The following PXDN variants were observed in gnomAD, a reference collection of about 807,000 sequenced individuals.
The protein encoded by PXDN is peroxidasin, also known as peroxidasin homolog.
PXDN carries 77 observed loss-of-function variants against 140.3 expected under a neutral mutation model. The observed-to-expected ratio is 0.55, with a 90% confidence interval of 0.46 to 0.66. The LOEUF is 0.66. Among genes scored for constraint, PXDN ranks in the 30% least tolerant of loss-of-function variants. The pLI is 0.00. For synonymous variants in PXDN, 911 were observed against 857.4 expected, an observed-to-expected ratio of 1.06 and a Z score of -1.09; for missense variants, 1,838 against 2,039.5, an observed-to-expected ratio of 0.90 and a Z score of 1.90.
intron 19 of PXDN, among the ~76,000 whole-genome samples, chr2:1,641,710 G>A (rs1270635212): frequency 6.6e-6 from 1 of 152,250 alleles, no homozygotes; most frequent in Non-Finnish European, 1.5e-5. Context: ...ACAGTGCCCT[G>A]AGAGGAGGAG....
Position 1,676,673 on chromosome 2 carries a change from C to T in PXDN, c.848+254G>A, listed in dbSNP as rs547938374. ...CTCCCACCGGGAAGGGCCGCAGTGA[C>T]GCGTTGCCCAGCCAGGGCACCCCTG... On this transcript the variant is annotated intron_variant, in intron 8 of 22. Coordinates refer to ENST00000252804, the MANE Select transcript of PXDN (RefSeq NM_012293.3). 8.4e-4 allele frequency: 444 copies of T among 529,958 alleles called. 3 individuals carry two copies. Among genetic ancestry groups the T allele is most frequent in the East Asian group, 6.4e-3 (206 of 31,990 alleles). 32.8% of individuals were successfully genotyped at this position (529,958 alleles called of 1,614,324 possible).
At chr2:1,727,653 G>A (rs1685220312) in intron 1 of PXDN, among the ~76,000 whole-genome samples, 1 of 152,062 alleles carries the variant, frequency 6.6e-6, no homozygotes, top group Non-Finnish European at 1.5e-5. Flanking sequence ...AGTCTCCACC[G>A]TGTCACACCA....
chr2:1,719,301 C>T (rs1256336322), intron 1 of PXDN, among the ~76,000 whole-genome samples: 1 of 152,198 alleles, frequency 6.6e-6, no homozygotes, highest in Non-Finnish European at 1.5e-5. Context: ...AAGGCCCTCC[C>T]CAGGCAGCAG....
At chr2:1,670,880 AAGAG>A (rs1298503192) in intron 9 of PXDN, among the ~76,000 whole-genome samples, 1 of 152,226 alleles carries the variant, frequency 6.6e-6, no homozygotes, top group Non-Finnish European at 1.5e-5. Context: ...TGCCCAGTAG[AAGAG>A]AGAAATAAAT....
intron 1 of PXDN, among the ~76,000 whole-genome samples, chr2:1,697,195 G>A (rs560577013): frequency 7.9e-5 from 12 of 152,214 alleles, no homozygotes; most frequent in South Asian, 4.1e-4. Context: ...ATTGTTCTTC[G>A]GGAATGCTGA....
chr2:1,691,958 G>A lies in PXDN; in HGVS notation c.314C>T (p.Ala105Val). The A allele has an allele frequency of 6.6e-7, 1 of 1,524,350 alleles. No homozygotes were observed. The highest frequency in any genetic ancestry group is 2.3e-5 in the East Asian group (1 of 42,880). 94.4% of individuals were successfully genotyped at this position (1,524,350 alleles called of 1,614,324 possible). A position where few individuals can be genotyped will look rare whatever the true frequency, so the allele number is the denominator to read the frequency against. Residue 105 changes from alanine (A) to valine (V), a missense_variant, in exon 3 of 23, where the codon GCA becomes GTA. Ala to Val is a moderately conservative substitution (Grantham distance 64). Around this residue, in one of 5 missense-constraint regions of PXDN, gnomAD observed 231 missense variants for 201.5 expected, o/e 1.15. Transcript: ENST00000252804. ...NNQIKRIPSGAFEDLENLKYL... is the reference protein window; with the variant it reads ...NNQIKRIPSGVFEDLENLKYL... ...TTTTAAATTTTCCAAGTCTTCAAATGCTCCACTAGGTATCCTCTTGATCTG... is the reference window on the plus strand; with the variant it reads ...TTTTAAATTTTCCAAGTCTTCAAATACTCCACTAGGTATCCTCTTGATCTG...
chr2:1,639,003 AG>A lies in PXDN; in HGVS notation c.4074-26del. The A allele has an allele frequency of 6.2e-7, 1 of 1,612,330 alleles. No homozygotes were observed. Among genetic ancestry groups the A allele is most frequent in the Non-Finnish European group, 8.5e-7 (1 of 1,178,688 alleles). ...ACTGTGGTGAGGGGAAAGGAGGAGG[AG>A]GGAAATATAACCTTGGCAGGTCACG... is the stretch of plus-strand genomic sequence containing the variant. On this transcript the variant is annotated intron_variant, in intron 20 of 22. Coordinates refer to ENST00000252804, the MANE Select transcript of PXDN (RefSeq NM_012293.3). This position sits in a 1 kb window ranked among gnomAD's most constrained non-coding sequence, Gnocchi z 5.0.
intron 9 of PXDN, among the ~76,000 whole-genome samples, chr2:1,670,745 A>T (rs941322762): frequency 6.6e-6 from 1 of 152,190 alleles, no homozygotes; most frequent in Non-Finnish European, 1.5e-5. Flanking sequence ...CAAGACACAG[A>T]TCAACACAGG....
chr2:1,720,095 C>G (rs148881829), intron 1 of PXDN, among the ~76,000 whole-genome samples: 13 of 3,198 alleles, frequency 4.1e-3, no homozygotes, highest in Admixed American at 5.1e-3. Context: ...GGGAGGGATG[C>G]AGAGAGAGAG....
At chr2:1,680,126 G>A (rs1411600374) in intron 7 of PXDN, 67 bp downstream of exon 7, 6 of 1,464,452 alleles carry the variant, frequency 4.1e-6, no homozygotes, top group Admixed American at 4.1e-5. Context: ...TAGATGGTGT[G>A]TGTGTGGATG....
At chr2:1,712,874 G>A (rs559792724) in intron 1 of PXDN, among the ~76,000 whole-genome samples, 56 of 152,150 alleles carry the variant, frequency 3.7e-4, no homozygotes, top group African/African-American at 1.3e-3. Context: ...ACAGGCATCC[G>A]CCACCAGGCC....
chr2:1,668,810 C>T (rs547881922), intron 9 of PXDN, among the ~76,000 whole-genome samples: 12 of 152,178 alleles, frequency 7.9e-5, no homozygotes, highest in South Asian at 4.2e-4. Flanking sequence ...CAGATGCTGG[C>T]GAGGATGCAG....
intron 1 of PXDN, among the ~76,000 whole-genome samples, chr2:1,743,201 T>C (rs540797537): frequency 2.6e-5 from 4 of 152,104 alleles, no homozygotes; most frequent in Admixed American, 2.6e-4. Context: ...GGATTCCTGC[T>C]GTGGAGACCG....
chr2:1,699,781 A>C (rs1684379562), intron 1 of PXDN, among the ~76,000 whole-genome samples: 1 of 152,256 alleles, frequency 6.6e-6, no homozygotes, highest in South Asian at 2.1e-4. Context: ...TCAAAGTTAT[A>C]CACTATATCG....
At position 1,632,820 on chromosome 2, in the gene PXDN, CA is replaced by C. The variant is rs1682445437; in HGVS notation, c.*1383del. The C allele has an allele frequency of 6.6e-6, 1 of 152,498 alleles. No individual in the cohort carries two copies. The highest frequency in any genetic ancestry group is 1.5e-5 in the Non-Finnish European group (1 of 68,100). The allele number at this position is 152,498 out of a possible 1,614,324, so 9.4% of individuals were successfully genotyped here. A position where few individuals can be genotyped will look rare whatever the true frequency, so the allele number is the denominator to read the frequency against. On this transcript the variant is annotated 3_prime_UTR_variant, in exon 23 of 23. Transcript: ENST00000252804. This position sits in a 1 kb window ranked among gnomAD's most constrained non-coding sequence, Gnocchi z 4.3. Reference sequence around the variant, plus strand: ...GGCCCCTGACCTCAGGGGCTCCCTCCACCACCTCAGCTGGGCCTTGCTGCGG... The same window carrying C: ...GGCCCCTGACCTCAGGGGCTCCCTCCCCACCTCAGCTGGGCCTTGCTGCGG...
At chr2:1,705,285 T>A (rs186507911) in intron 1 of PXDN, among the ~76,000 whole-genome samples, 279 of 152,218 alleles carry the variant, frequency 1.8e-3, no homozygotes, top group Middle Eastern at 0.01. Flanking sequence ...ACTCCCTCCA[T>A]GAAGGCTGGG....
At chr2:1,742,138 C>A (rs1323004309) in intron 1 of PXDN, among the ~76,000 whole-genome samples, 2 of 152,234 alleles carry the variant, frequency 1.3e-5, no homozygotes. Flanking sequence ...GCCACCAGCG[C>A]TACGCTCCTC....
intron 1 of PXDN, among the ~76,000 whole-genome samples, chr2:1,726,682 A>G (rs1012850491): frequency 6.6e-6 from 1 of 152,194 alleles, no homozygotes; most frequent in African/African-American, 2.4e-5. Flanking sequence ...AGTTCCTTAC[A>G]TGTTTTAGAT....
intron 1 of PXDN, among the ~76,000 whole-genome samples, chr2:1,706,202 G>A (rs1045026624): frequency 6.6e-6 from 1 of 152,184 alleles, no homozygotes; most frequent in Admixed American, 6.5e-5. Context: ...TATGAAATTG[G>A]GAGCTGGTCT....
Sources: allele counts gnomAD v4.1 joint callset (sites outside exome capture counted in the v4.1 genomes callset), GRCh38; gene constraint gnomAD v4.1.1; regional missense constraint gnomAD v4.1.1; non-coding constraint Gnocchi (gnomAD v3.1); transcripts MANE v1.5; gene names NCBI Gene and HGNC (gene_info 2026-07-23, HGNC 2026-07-21).